CLOCK: variants seen among roughly 807,000 people sequenced by gnomAD.
The protein encoded by CLOCK is clock circadian regulator.
A neutral mutation model predicts 118.4 loss-of-function variants in CLOCK; 43 were observed. The ratio of observed to expected loss-of-function variants is 0.36; its 90% confidence interval spans 0.28 to 0.47. CLOCK has a LOEUF of 0.47. CLOCK is among the 20% of genes least tolerant of loss of function. The pLI, the probability that CLOCK is intolerant of heterozygous loss-of-function variation, is 1.00. For synonymous variants in CLOCK, 326 were observed against 339.2 expected (o/e 0.96, Z 0.43); for missense variants, 846 against 999.9 (o/e 0.85, Z 2.08).
chr4:55,465,220 T>C (rs746989515), intron 8 of CLOCK, among the ~76,000 whole-genome samples: 6 of 151,510 alleles, frequency 4.0e-5, no homozygotes, highest in African/African-American at 1.4e-4. Context: ...CATATTTACA[T>C]TGTATTAGTT....
intron 1 of CLOCK, among the ~76,000 whole-genome samples, chr4:55,537,534 CTT>C (rs1730985553): frequency 6.6e-6 from 1 of 152,062 alleles, no homozygotes; most frequent in African/African-American, 2.4e-5. Flanking sequence ...GCGAGGATCT[CTT>C]GAGCCTGAGA....
At chr4:55,471,003 A>C (rs921846740) in intron 7 of CLOCK, among the ~76,000 whole-genome samples, 197 bp from the exon 8 acceptor site, 3 of 152,170 alleles carry the variant, frequency 2.0e-5, no homozygotes, top group Admixed American at 2.0e-4. Context: ...GGAGAAAAAA[A>C]GTCTCTCTCT....
chr4:55,540,410 G>C (rs548912386), intron 1 of CLOCK: 1 of 151,322 alleles, frequency 6.6e-6, no homozygotes, highest in Non-Finnish European at 1.5e-5. Flanking sequence ...GGAGGGGAGG[G>C]GGGAATGGAG....
chr4:55,506,029 C>T (rs111756361), intron 2 of CLOCK, among the ~76,000 whole-genome samples: 2,329 of 152,112 alleles, frequency 0.015, 20 homozygotes, highest in Middle Eastern at 0.054. Context: ...GGAAACTTAA[C>T]AGTTATACAG....
chr4:55,457,919 G>A (rs912892802), intron 11 of CLOCK, among the ~76,000 whole-genome samples: 1 of 151,256 alleles, frequency 6.6e-6, no homozygotes, highest in African/African-American at 2.4e-5. Flanking sequence ...TTATAGGGTT[G>A]TCATAAGAAT....
rs368792480 is a variant in CLOCK, at chr4:55,475,924, G to A, written c.348+39C>T. On this transcript the variant is annotated intron_variant, in intron 7 of 22. Transcript: ENST00000513440. ...TAAGTCACCCTGTGATTTCTTTTTTGAGGAAAATAAAACTTTCAAAAATTA... is the reference window on the plus strand; with the variant it reads ...TAAGTCACCCTGTGATTTCTTTTTTAAGGAAAATAAAACTTTCAAAAATTA... The A allele has an allele frequency of 8.2e-4, 1,179 of 1,434,408 alleles. 4 individuals carry two copies. The highest frequency in any genetic ancestry group is 1.1e-3 in the Non-Finnish European group (1,076 of 1,021,340). 88.9% of individuals were successfully genotyped at this position (1,434,408 alleles called of 1,614,324 possible).
chr4:55,546,504 G>T (rs1731645286), intron 1 of CLOCK: 3 of 150,190 alleles, frequency 2.0e-5, no homozygotes, highest in African/African-American at 7.4e-5. Flanking sequence ...GGCGGCTCCG[G>T]CTTCTTCCCT....
chr4:55,546,620 G>GC (rs1281768496), intron 1 of CLOCK, 162 bp downstream of exon 1: 3 of 138,484 alleles, frequency 2.2e-5, no homozygotes, highest in African/African-American at 5.6e-5. Flanking sequence ...TGTGAGTGGC[G>GC]CCCCCCACCC....
chr4:55,513,119 C>T (rs1204014080), intron 1 of CLOCK, among the ~76,000 whole-genome samples: 1 of 152,130 alleles, frequency 6.6e-6, no homozygotes, highest in African/African-American at 2.4e-5. Context: ...CACTCACTGA[C>T]TCACCCTACG....
intron 11 of CLOCK, among the ~76,000 whole-genome samples, chr4:55,457,161 ATC>A (rs1270873074): frequency 6.6e-6 from 1 of 152,192 alleles, no homozygotes; most frequent in Admixed American, 6.5e-5. Flanking sequence ...ATTTCCAAAT[ATC>A]TGAATGTCCT....
At chr4:55,472,936 A>G (rs1254822883) in intron 7 of CLOCK, among the ~76,000 whole-genome samples, 1 of 152,204 alleles carries the variant, frequency 6.6e-6, no homozygotes, top group Non-Finnish European at 1.5e-5. Context: ...AATAGGGTCA[A>G]AAGTAGACAA....
At chr4:55,495,066 TAGG>T (rs1196568674) in intron 2 of CLOCK, among the ~76,000 whole-genome samples, 1 of 152,196 alleles carries the variant, frequency 6.6e-6, no homozygotes, top group Non-Finnish European at 1.5e-5. Context: ...GCAACCTGCA[TAGG>T]AGATCATCAA....
intron 1 of CLOCK, among the ~76,000 whole-genome samples, chr4:55,544,521 G>T (rs1731483187): frequency 6.6e-6 from 1 of 152,064 alleles, no homozygotes; most frequent in Admixed American, 6.6e-5. Flanking sequence ...AAATGCCTGT[G>T]ACCTCTGCAA....
intron 22 of CLOCK, among the ~76,000 whole-genome samples, chr4:55,436,416 A>G (rs1179689489): frequency 6.6e-6 from 1 of 152,142 alleles, no homozygotes; most frequent in Non-Finnish European, 1.5e-5. Context: ...CTTTCACCAA[A>G]TTTGTACTTC....
intron 14 of CLOCK, 100 bp downstream of exon 14, chr4:55,453,577 G>T: frequency 1.1e-6 from 1 of 919,918 alleles, no homozygotes; most frequent in Non-Finnish European, 1.7e-6. Flanking sequence ...TGAGAAAAGA[G>T]CACTTTGTAG....
At chr4:55,469,021 T>G (rs1038951481) in intron 8 of CLOCK, among the ~76,000 whole-genome samples, 3 of 152,200 alleles carry the variant, frequency 2.0e-5, no homozygotes, top group African/African-American at 7.2e-5. Context: ...ATATAAAAGT[T>G]TAGCACATAA....
chr4:55,436,169 T>C (rs938853124), intron 22 of CLOCK, among the ~76,000 whole-genome samples: 29 of 152,256 alleles, frequency 1.9e-4, no homozygotes, highest in African/African-American at 7.0e-4. Flanking sequence ...GCCTACCACA[T>C]TGGGTTCTTA....
chr4:55,438,598 GC>G, intron 21 of CLOCK, 61 bp from the exon 22 acceptor site: 1 of 1,609,832 alleles, frequency 6.2e-7, no homozygotes, highest in Non-Finnish European at 8.5e-7. Context: ...ATCATAAAAC[GC>G]AGTGGAGTAA....
intron 2 of CLOCK, among the ~76,000 whole-genome samples, chr4:55,499,803 G>T (rs988756650): frequency 6.6e-6 from 1 of 152,178 alleles, no homozygotes; most frequent in Non-Finnish European, 1.5e-5. Context: ...TGTTTCTTTC[G>T]CTCTGTTCCA....
Sources: allele counts gnomAD v4.1 joint callset (sites outside exome capture counted in the v4.1 genomes callset), GRCh38; gene constraint gnomAD v4.1.1; transcripts MANE v1.5; gene names NCBI Gene and HGNC (gene_info 2026-07-23, HGNC 2026-07-21).